The following RSU1 variants were observed in gnomAD, a reference collection of about 807,000 sequenced individuals.
The protein encoded by RSU1 is rsu-1.
A neutral mutation model predicts 31.1 loss-of-function variants in RSU1; 26 were observed. That is an observed-to-expected ratio of 0.84 (90% CI 0.61 to 1.16). The LOEUF (loss-of-function observed/expected upper bound fraction) is 1.16. Among genes scored for constraint, RSU1 ranks in the 50% most tolerant of loss-of-function variants. The pLI is 0.00. For missense variants in RSU1, 320 were observed against 339.1 expected, an observed-to-expected ratio of 0.94 and a Z score of 0.44; for synonymous variants, 164 against 136.3, an observed-to-expected ratio of 1.20 and a Z score of -1.41.
At chr10:16,704,168 G>A (rs1241518108) in intron 7 of RSU1, among the ~76,000 whole-genome samples, 2 of 152,068 alleles carry the variant, frequency 1.3e-5, no homozygotes, top group Non-Finnish European at 2.9e-5. Flanking sequence ...AAAGAAATCT[G>A]AATTTTTAGA....
chr10:16,799,949 C>G (rs190009348), intron 2 of RSU1, among the ~76,000 whole-genome samples: 1 of 152,202 alleles, frequency 6.6e-6, no homozygotes, highest in East Asian at 1.9e-4. Context: ...TCCCTTTTCC[C>G]GATGCCTTCT....
chr10:16,593,565 C>T, intron 8 of RSU1, 69 bp from the exon 9 acceptor site: 1 of 1,209,798 alleles, frequency 8.3e-7, no homozygotes, highest in Middle Eastern at 1.9e-4. Context: ...ACTGGAAGAG[C>T]TTTCAGGAAT....
intron 4 of RSU1, among the ~76,000 whole-genome samples, chr10:16,762,677 C>G (rs540545702): frequency 2.0e-5 from 3 of 152,134 alleles, no homozygotes; most frequent in Non-Finnish European, 4.4e-5. Context: ...CTTGTGGGAG[C>G]AATAAACTAA....
intron 7 of RSU1, among the ~76,000 whole-genome samples, chr10:16,748,854 C>T (rs375042571): frequency 1.4e-5 from 2 of 144,680 alleles, no homozygotes; most frequent in African/African-American, 5.6e-5. Flanking sequence ...CGGGCTCTCC[C>T]TTCCATGCTC....
rs1833516744 is a variant in RSU1 at position 16,592,142 on chromosome 10, G to T, written c.*1252C>A. ...TGGGAAGCCGAAAGGATACAGCAGA[G>T]ATTTTATATGCCCCAGTGGGTCCTG... On this transcript the variant is annotated 3_prime_UTR_variant, in exon 9 of 9. Coordinates refer to ENST00000345264, the MANE Select transcript of RSU1 (RefSeq NM_012425.4). 6.7e-6 allele frequency: 1 copy of T among 149,502 alleles called. No homozygotes were observed. The highest frequency in any genetic ancestry group is 1.5e-5 in the Non-Finnish European group (1 of 67,954). The allele number at this position is 149,502 out of a possible 1,614,324, so 9.3% of individuals were successfully genotyped here. A position where few individuals can be genotyped will look rare whatever the true frequency, so the allele number is the denominator to read the frequency against.
intron 8 of RSU1, among the ~76,000 whole-genome samples, chr10:16,683,161 G>GTGTGTGTGTGTGTGTGTGTGTGTGTT (rs1835367988): frequency 1.6e-5 from 1 of 63,754 alleles, no homozygotes; most frequent in African/African-American, 9.3e-5. Flanking sequence ...TGGGTGTGTG[G>GTGTGTGTGTGTGTGTGTGTGTGTGTT]TGTGTGTGTG....
At chr10:16,726,931 C>T in intron 7 of RSU1, 2 of 400,352 alleles carry the variant, frequency 5.0e-6, no homozygotes, top group South Asian at 3.7e-5. Flanking sequence ...TATGGTTTGA[C>T]TGTTTTATAA....
intron 8 of RSU1, among the ~76,000 whole-genome samples, chr10:16,608,337 A>G (rs1833839056): frequency 6.6e-6 from 1 of 152,184 alleles, no homozygotes; most frequent in Non-Finnish European, 1.5e-5. Context: ...GCAATACCCC[A>G]TGTCTGTTTA....
At chr10:16,649,026 G>T (rs1834630064) in intron 8 of RSU1, among the ~76,000 whole-genome samples, 1 of 152,064 alleles carries the variant, frequency 6.6e-6, no homozygotes, top group Admixed American at 6.6e-5. Context: ...CTTTTAAATG[G>T]TTAGGAAAAA....
intron 8 of RSU1, among the ~76,000 whole-genome samples, chr10:16,685,750 T>G (rs189313281): frequency 2.0e-5 from 3 of 152,332 alleles, no homozygotes; most frequent in Non-Finnish European, 4.4e-5. Flanking sequence ...TAGAATGCTT[T>G]AACCATCTGG....
chr10:16,678,904 A>T (rs1198118164), intron 8 of RSU1, among the ~76,000 whole-genome samples: 1 of 152,188 alleles, frequency 6.6e-6, no homozygotes, highest in Non-Finnish European at 1.5e-5. Flanking sequence ...ATGGAAAAAG[A>T]GAAGGCAGAC....
chr10:16,663,757 G>A (rs947922272), intron 8 of RSU1, among the ~76,000 whole-genome samples: 2 of 152,160 alleles, frequency 1.3e-5, no homozygotes, highest in South Asian at 2.1e-4. Flanking sequence ...TCAGTGTGAC[G>A]ACAGTCTTTT....
intron 8 of RSU1, among the ~76,000 whole-genome samples, chr10:16,594,103 G>A (rs1389745446): frequency 1.3e-5 from 2 of 152,006 alleles, no homozygotes; most frequent in Non-Finnish European, 2.9e-5. Flanking sequence ...AACAGCAGAA[G>A]GTAATTAATC....
intron 4 of RSU1, among the ~76,000 whole-genome samples, chr10:16,759,206 T>TA (rs1444482234): frequency 2.0e-5 from 3 of 151,906 alleles, no homozygotes; most frequent in African/African-American, 4.8e-5. Context: ...AATAAAAATT[T>TA]AAAAAAATCC....
intron 8 of RSU1, among the ~76,000 whole-genome samples, chr10:16,622,899 A>G (rs1834093372): frequency 6.6e-6 from 1 of 152,264 alleles, no homozygotes; most frequent in African/African-American, 2.4e-5. Context: ...AATTTTGCAG[A>G]TACAATTCAA....
At chr10:16,800,558 G>A (rs1356222125) in intron 2 of RSU1, among the ~76,000 whole-genome samples, 1 of 152,108 alleles carries the variant, frequency 6.6e-6, no homozygotes, top group African/African-American at 2.4e-5. Flanking sequence ...AAGAAGAGTA[G>A]GAGAAAAGTA....
intron 2 of RSU1, among the ~76,000 whole-genome samples, chr10:16,785,457 T>TATATATAC (rs879683799): frequency 8.1e-6 from 1 of 122,712 alleles, no homozygotes; most frequent in African/African-American, 3.5e-5. Flanking sequence ...TATACATATA[T>TATATATAC]ACATATATAT....
At chr10:16,783,866 G>A (rs779841503) in intron 2 of RSU1, among the ~76,000 whole-genome samples, 3 of 152,092 alleles carry the variant, frequency 2.0e-5, no homozygotes, top group Non-Finnish European at 4.4e-5. Flanking sequence ...CCCAGTACAT[G>A]AGGACCATCT....
At chr10:16,602,574 C>G (rs1005279177) in intron 8 of RSU1, among the ~76,000 whole-genome samples, 1 of 152,210 alleles carries the variant, frequency 6.6e-6, no homozygotes, top group African/African-American at 2.4e-5. Flanking sequence ...AGTCTATACA[C>G]TCCAGGCACT....
Sources: gnomAD v4.1 joint callset for allele counts (sites outside exome capture counted in the v4.1 genomes callset) on GRCh38, gnomAD v4.1.1 for gene constraint, MANE v1.5 for transcripts, NCBI Gene and HGNC (gene_info 2026-07-23, HGNC 2026-07-21) for gene names.